Variants in CHMP4A observed in about 807,000 individuals in gnomAD.
The protein encoded by CHMP4A is SNF7 homolog associated with Alix-2.
A neutral mutation model predicts 28.2 loss-of-function variants in CHMP4A; 29 were observed. The observed-to-expected ratio is 1.03, with a 90% CI of 0.77 to 1.40. The LOEUF (loss-of-function observed/expected upper bound fraction) is 1.40, where lower values mean the gene tolerates loss of function less well. Ranked by LOEUF, CHMP4A falls within the 40% of genes most tolerant of loss-of-function variation. CHMP4A has a pLI of 0.00. For synonymous variants in CHMP4A, 88 were observed against 99.3 expected (o/e 0.89, Z 0.67); for missense variants, 241 against 263.5 (o/e 0.91, Z 0.59).
rs1170222602 is a variant in CHMP4A at position 24,211,516 on chromosome 14, C to A, written c.258G>T (p.Leu86=). 6.2e-7 allele frequency: 1 copy of A among 1,614,156 alleles called. No individual in the cohort carries two copies. Among genetic ancestry groups the A allele is most frequent in the Non-Finnish European group, 8.5e-7 (1 of 1,180,002 alleles). The part of the protein sequence containing the change: ...LAQTDGTLST[L]EFQREAIENA... ...TCTCAATGGCCTCACGCTGAAACTC[C>A]AGGGTGGATAATGTCCCGTCAGTTT... Residue 86 remains leucine (L), a synonymous_variant, in exon 3 of 6, where the codon CTG becomes CTT. Transcript: ENST00000347519.
At chr14:24,210,176 G>A (rs943207442) in intron 5 of CHMP4A, among the ~76,000 whole-genome samples, 172 bp downstream of exon 5, 3 of 152,070 alleles carry the variant, frequency 2.0e-5, no homozygotes, top group African/African-American at 7.2e-5. Flanking sequence ...TACACGGCTT[G>A]TTGAGTGAAG....
intron 3 of CHMP4A, chr14:24,211,197 A>G (rs891365499): frequency 5.8e-6 from 3 of 513,876 alleles, no homozygotes; most frequent in African/African-American, 5.7e-5. Context: ...AAACAAAACA[A>G]AACAAAACAA....
At chr14:24,209,983 T>G (rs1456253457) in intron 5 of CHMP4A, 48 bp from the exon 6 acceptor site, 2 of 1,511,452 alleles carry the variant, frequency 1.3e-6, no homozygotes, top group Non-Finnish European at 9.2e-7. Flanking sequence ...AGCAGTAAGG[T>G]CTCAGCAACT....
At chr14:24,212,413 G>A (rs1471494736) in intron 1 of CHMP4A, 1 of 197,342 alleles carries the variant, frequency 5.1e-6, no homozygotes, top group Non-Finnish European at 1.0e-5. Context: ...TTGAGACAGA[G>A]TCTCGCTCTG....
chr14:24,211,966 C>A, intron 1 of CHMP4A, 137 bp from the exon 2 acceptor site: 1 of 695,126 alleles, frequency 1.4e-6, no homozygotes, highest in South Asian at 2.6e-5. Context: ...CGTGCTATCT[C>A]TTCACTTTAA....
intron 4 of CHMP4A, 48 bp from the exon 5 acceptor site, chr14:24,210,531 C>G: frequency 6.2e-7 from 1 of 1,600,960 alleles, no homozygotes; most frequent in Middle Eastern, 1.7e-4. Context: ...AAAACTTCTA[C>G]CTCCAAAAAC....
Position 24,210,424 on chromosome 14 carries a change from TAAC to T in CHMP4A, c.531_533del (p.Leu178del). On this transcript the variant is annotated inframe_deletion, in exon 5 of 6. Coordinates refer to ENST00000347519, the MANE Select transcript of CHMP4A (RefSeq NM_014169.5). ...GTTCTTCTTCCTTGTCGCCCACATTTAACAACTCCTGGGCCAATTCCTCCTGCT... is the reference window on the plus strand; with the variant it reads ...GTTCTTCTTCCTTGTCGCCCACATTTAACTCCTGGGCCAATTCCTCCTGCT... 1.9e-6 allele frequency: 3 copies of T among 1,614,094 alleles called. No homozygotes were observed. The highest frequency in any genetic ancestry group is 2.5e-6 in the Non-Finnish European group (3 of 1,180,010).
intron 5 of CHMP4A, 32 bp downstream of exon 5, chr14:24,210,316 A>G: frequency 6.2e-7 from 1 of 1,607,960 alleles, no homozygotes; most frequent in Middle Eastern, 1.7e-4. Context: ...CACCCTCTTA[A>G]GTCCTCAAGA....
In CHMP4A at chr14:24,210,821, T is replaced by C. The variant is rs2039585372; in HGVS notation, c.360-53A>G. The C allele has an allele frequency of 3.0e-6, 4 of 1,337,370 alleles. No individual in the cohort carries two copies. In the Admixed American group the frequency reaches 6.7e-5, roughly 22 times the overall value. 82.8% of individuals were successfully genotyped at this position (1,337,370 alleles called of 1,614,324 possible). A position where few individuals can be genotyped will look rare whatever the true frequency, so the allele number is the denominator to read the frequency against. On this transcript the variant is annotated intron_variant, in intron 3 of 5. Coordinates refer to ENST00000347519, the MANE Select transcript of CHMP4A (RefSeq NM_014169.5). ...TCACGCAACAATGCCCCCTTGACTTTCTCATCTCACATGAATGAAACCCCT... is the reference window on the plus strand; with the variant it reads ...TCACGCAACAATGCCCCCTTGACTTCCTCATCTCACATGAATGAAACCCCT...
rs541560498 is a variant in CHMP4A, at chr14:24,212,269, G to A, written c.32-440C>T. Among the ~76,000 whole-genome samples, 3 of 150,844 alleles carry A rather than the reference G, an allele frequency of 2.0e-5. No homozygotes were observed. In the South Asian group the frequency reaches 6.3e-4, roughly 32 times the overall value. On this transcript the variant is annotated intron_variant, in intron 1 of 5. Coordinates refer to ENST00000347519, the MANE Select transcript of CHMP4A (RefSeq NM_014169.5). ...CCACCATGCCTGGCTAATTTTTTGTGTTTTTAGTACAGACAGGCTTTCTCC... is the reference window on the plus strand; with the variant it reads ...CCACCATGCCTGGCTAATTTTTTGTATTTTTAGTACAGACAGGCTTTCTCC...
chr14:24,212,386 C>T (rs1019774754), intron 1 of CHMP4A, among the ~76,000 whole-genome samples: 10 of 151,988 alleles, frequency 6.6e-5, no homozygotes, highest in Non-Finnish European at 8.8e-5. Flanking sequence ...TGAGCCACCG[C>T]GCCAGGACTT....
At chr14:24,213,188 G>C in intron 1 of CHMP4A, 1 of 533,184 alleles carries the variant, frequency 1.9e-6, no homozygotes, top group Non-Finnish European at 3.2e-6. Context: ...CTCTGAGAGT[G>C]GGGGAGGACG....
intron 3 of CHMP4A, chr14:24,211,189 A>T: frequency 2.0e-6 from 1 of 490,210 alleles, no homozygotes; most frequent in Non-Finnish European, 3.7e-6. Flanking sequence ...ATCTCAAAAA[A>T]CAAAACAAAA....
Position 24,210,369 on chromosome 14 carries a change from T to C in CHMP4A, c.589A>G (p.Thr197Ala), listed in dbSNP as rs1258201720. The C allele has an allele frequency of 1.2e-6, 2 of 1,613,986 alleles. No individual in the cohort carries two copies. Among genetic ancestry groups the C allele is most frequent in the East Asian group, 4.5e-5 (2 of 44,864 alleles). The change falls in exon 5 of 6, where the codon ACT (threonine) becomes GCT (alanine). Residue 197 changes from threonine to alanine, a missense_variant. By Grantham distance (58) the Thr-to-Ala change is moderately conservative (BLOSUM62 0). Coordinates refer to ENST00000347519, the MANE Select transcript of CHMP4A (RefSeq NM_014169.5). ...ATACCTGGCCCTGCCGGCAGATGAG[T>C]AGAAGGTACACTAGGCAATTTGACT... Reference protein sequence around the residue: ...PSVKLPSVPSTHLPAGPAPKV... With the variant: ...PSVKLPSVPSAHLPAGPAPKV...
rs1473968830 is a variant in CHMP4A, at chr14:24,211,679, C to T, written c.181+1G>A. 8 of 1,613,526 alleles carry T rather than the reference C, an allele frequency of 5.0e-6. No individual in the cohort carries two copies. Among genetic ancestry groups the T allele is most frequent in the Non-Finnish European group, 5.9e-6 (7 of 1,179,746 alleles). ...CCCCATAGGCTTGTTTCCCTCATTA[C>T]CTCTCTTATTCTTGGTCCCATACTT... On this transcript the variant is annotated splice_donor_variant, in intron 2 of 5. Transcript: ENST00000347519. LOFTEE classifies it high-confidence loss of function.
intron 5 of CHMP4A, 33 bp from the exon 6 acceptor site, chr14:24,209,968 G>T (rs776278461): frequency 1.9e-6 from 3 of 1,600,534 alleles, no homozygotes; most frequent in Non-Finnish European, 2.6e-6. Flanking sequence ...AGAAAAGAAA[G>T]GAGAAGCAGT....
chr14:24,210,545 C>T (rs1409318649), intron 4 of CHMP4A, 62 bp from the exon 5 acceptor site: 1 of 1,601,272 alleles, frequency 6.2e-7, no homozygotes, highest in East Asian at 2.2e-5. Context: ...CAAAAACATA[C>T]CACTTTTGAA....
Position 24,211,252 on chromosome 14 carries a change from G to A in CHMP4A, c.359+163C>T, listed in dbSNP as rs1320251069. ...ATCTTTCCTCCCTAGAATGCCCCAGGCAGCGAAAGAATTTTATAGGAAGCA... is the reference window on the plus strand; with the variant it reads ...ATCTTTCCTCCCTAGAATGCCCCAGACAGCGAAAGAATTTTATAGGAAGCA... On this transcript the variant is annotated intron_variant, in intron 3 of 5. Transcript: ENST00000347519. 7 of 590,006 alleles carry A rather than the reference G, an allele frequency of 1.2e-5. No individual in the cohort carries two copies. The Admixed American group carries it at 1.5e-4, about 13-fold the overall frequency. 36.5% of individuals were successfully genotyped at this position (590,006 alleles called of 1,614,324 possible).
In CHMP4A at chr14:24,210,424, T is replaced by TAAC; in HGVS notation, c.531_533dup (p.Leu178dup). ...GTTCTTCTTCCTTGTCGCCCACATTTAACAACTCCTGGGCCAATTCCTCCT... is the reference window on the plus strand; with the variant it reads ...GTTCTTCTTCCTTGTCGCCCACATTTAACAACAACTCCTGGGCCAATTCCTCCT... On this transcript the variant is annotated inframe_insertion, in exon 5 of 6. Coordinates refer to ENST00000347519, the MANE Select transcript of CHMP4A (RefSeq NM_014169.5). The TAAC allele has an allele frequency of 1.9e-6, 3 of 1,614,094 alleles. No homozygotes were observed. The highest frequency in any genetic ancestry group is 2.5e-6 in the Non-Finnish European group (3 of 1,180,010).
Sources: gnomAD v4.1 joint callset for allele counts (sites outside exome capture counted in the v4.1 genomes callset) on GRCh38, gnomAD v4.1.1 for gene constraint, MANE v1.5 for transcripts, NCBI Gene and HGNC (gene_info 2026-07-23, HGNC 2026-07-21) for gene names.